Variants in RARS2 observed in about 807,000 individuals in gnomAD.
RARS2 encodes the protein probable arginine--tRNA ligase, mitochondrial.
In RARS2, 67 loss-of-function variants were observed where a neutral mutation model predicts 88.5. The ratio of observed to expected loss-of-function variants is 0.76; its 90% CI spans 0.62 to 0.93. The LOEUF is 0.93. Ranked by LOEUF, RARS2 falls within the 40% of genes least tolerant of loss-of-function variation. RARS2 has a pLI of 0.00. For missense variants in RARS2, 664 were observed against 684.2 expected, an observed-to-expected ratio of 0.97 and a Z score of 0.33; for synonymous variants, 239 against 230.3, an observed-to-expected ratio of 1.04 and a Z score of -0.34.
chr6:87,583,388 G>C (rs953475573), intron 1 of RARS2, among the ~76,000 whole-genome samples: 2 of 152,154 alleles, frequency 1.3e-5, no homozygotes, highest in Non-Finnish European at 2.9e-5. Flanking sequence ...TCGGGAGTTT[G>C]AGACCAGACT....
chr6:87,533,300 T>C (rs1051476390), intron 8 of RARS2, among the ~76,000 whole-genome samples: 6 of 152,210 alleles, frequency 3.9e-5, no homozygotes, highest in African/African-American at 1.4e-4. Flanking sequence ...GTGAATATTC[T>C]TAGTATTTCC....
chr6:87,528,092 C>T (rs1776327238), intron 10 of RARS2, among the ~76,000 whole-genome samples: 1 of 151,678 alleles, frequency 6.6e-6, no homozygotes, highest in Admixed American at 6.6e-5. Flanking sequence ...GGCCAAAGAC[C>T]CGTATAGACA....
At chr6:87,514,752 A>G (rs1770964596) in intron 19 of RARS2, among the ~76,000 whole-genome samples, 1 of 152,206 alleles carries the variant, frequency 6.6e-6, no homozygotes, top group African/African-American at 2.4e-5. Context: ...TATCACTGTA[A>G]TATTTCATGT....
intron 1 of RARS2, among the ~76,000 whole-genome samples, chr6:87,589,181 G>A (rs1376498361): frequency 2.0e-5 from 3 of 152,186 alleles, no homozygotes; most frequent in Non-Finnish European, 4.4e-5. Context: ...GGTGGCCAAT[G>A]AGTCTTAAAA....
chr6:87,539,603 T>C (rs1322311588), intron 8 of RARS2, among the ~76,000 whole-genome samples: 1 of 151,574 alleles, frequency 6.6e-6, no homozygotes, highest in Non-Finnish European at 1.5e-5. Flanking sequence ...AAAGTTAAAG[T>C]TGCTAGCCAA....
intron 5 of RARS2, among the ~76,000 whole-genome samples, chr6:87,552,279 T>G (rs1392151472): frequency 6.6e-6 from 1 of 152,164 alleles, no homozygotes; most frequent in African/African-American, 2.4e-5. Context: ...TTCTCCCACC[T>G]CTCTCATTTT....
At chr6:87,558,346 T>C (rs1343331532) in intron 4 of RARS2, among the ~76,000 whole-genome samples, 3 of 152,150 alleles carry the variant, frequency 2.0e-5, no homozygotes, top group East Asian at 1.9e-4. Flanking sequence ...CTCAGAAACC[T>C]AGGAGTCCCT....
intron 1 of RARS2, among the ~76,000 whole-genome samples, chr6:87,581,534 G>A (rs1176122148): frequency 2.6e-5 from 4 of 152,032 alleles, no homozygotes; most frequent in Admixed American, 6.6e-5. Context: ...TAAAACTTTG[G>A]GGCTTAGAAG....
At chr6:87,549,260 G>A (rs1783614917) in intron 5 of RARS2, among the ~76,000 whole-genome samples, 1 of 152,036 alleles carries the variant, frequency 6.6e-6, no homozygotes, top group African/African-American at 2.4e-5. Context: ...GGAGGCTGAG[G>A]CAGGAGAATG....
At chr6:87,580,593 A>G (rs2128219287) in intron 1 of RARS2, among the ~76,000 whole-genome samples, 1 of 147,550 alleles carries the variant, frequency 6.8e-6, no homozygotes, top group Non-Finnish European at 1.5e-5. Flanking sequence ...CCCTGTCTCA[A>G]AAAAAAAAAA....
At chr6:87,553,041 T>C (rs927851985) in intron 5 of RARS2, among the ~76,000 whole-genome samples, 1 of 152,192 alleles carries the variant, frequency 6.6e-6, no homozygotes, top group Non-Finnish European at 1.5e-5. Context: ...CATTAAGAGA[T>C]GTACTCTATT....
intron 11 of RARS2, among the ~76,000 whole-genome samples, chr6:87,522,395 C>T (rs886589410): frequency 6.8e-6 from 1 of 147,212 alleles, no homozygotes; most frequent in African/African-American, 2.5e-5. Flanking sequence ...TCTCTTTTAT[C>T]TCTGATTAGA....
chr6:87,551,795 G>A (rs1283596746), intron 5 of RARS2, among the ~76,000 whole-genome samples: 1 of 152,110 alleles, frequency 6.6e-6, no homozygotes, highest in Non-Finnish European at 1.5e-5. Context: ...TGTTTTGCGA[G>A]AAGAGTGTCT....
At chr6:87,584,979 A>T (rs34650015) in intron 1 of RARS2, among the ~76,000 whole-genome samples, 4,875 of 152,286 alleles carry the variant, frequency 0.032, 105 homozygotes, top group Middle Eastern at 0.054. Context: ...TAAGTACTAT[A>T]AACAGTAAAT....
intron 19 of RARS2, 130 bp downstream of exon 19, chr6:87,514,826 AT>A: frequency 1.3e-6 from 1 of 787,046 alleles, no homozygotes; most frequent in East Asian, 2.6e-5. Flanking sequence ...TTACAGCCTA[AT>A]TATTAGCTAA....
chr6:87,524,762 A>C (rs1255815408), intron 10 of RARS2, 110 bp from the exon 11 acceptor site: 26 of 775,034 alleles, frequency 3.4e-5, no homozygotes, highest in Non-Finnish European at 5.4e-5. Context: ...CCCACGTTGC[A>C]ATGAGCAGTG....
chr6:87,529,524 A>AT lies in RARS2; in HGVS notation c.878+17dup. ...AAAGAACAAATAATTTTACTGAAGA[A>AT]TAGTAACCTGATCATACATTGTTTT... is the stretch of plus-strand genomic sequence containing the variant. On this transcript the variant is annotated intron_variant, in intron 10 of 19. Coordinates refer to ENST00000369536, the MANE Select transcript of RARS2 (RefSeq NM_020320.5). 1 of 1,404,208 alleles carries AT rather than the reference A, an allele frequency of 7.1e-7. No homozygotes were observed. The highest frequency in any genetic ancestry group is 1.2e-5 in the South Asian group (1 of 86,728). The allele number at this position is 1,404,208 out of a possible 1,614,324, so 87.0% of individuals were successfully genotyped here.
chr6:87,535,223 C>T (rs73752041), intron 8 of RARS2, among the ~76,000 whole-genome samples: 110 of 152,240 alleles, frequency 7.2e-4, no homozygotes, highest in Middle Eastern at 3.4e-3. Flanking sequence ...AAATCTTGAA[C>T]GCAATTTTTC....
chr6:87,530,358 A>G (rs2128060873), intron 9 of RARS2, among the ~76,000 whole-genome samples: 1 of 152,262 alleles, frequency 6.6e-6, no homozygotes, highest in Middle Eastern at 3.4e-3. Context: ...TTCTTGCTTT[A>G]TCTTTAATTT....
Sources: allele counts gnomAD v4.1 joint callset (sites outside exome capture counted in the v4.1 genomes callset), GRCh38; gene constraint gnomAD v4.1.1; transcripts MANE v1.5; gene names NCBI Gene and HGNC (gene_info 2026-07-23, HGNC 2026-07-21).